Variants in OFD1 observed in about 807,000 individuals in gnomAD.
OFD1 encodes the protein OFD1 centriole and centriolar satellite protein, also known as centriole and centriolar satellite protein OFD1.
Under a neutral mutation model 81.4 loss-of-function variants are expected in OFD1, and 12 were observed. That is an observed-to-expected ratio of 0.15 (90% CI 0.09 to 0.24). OFD1 has a LOEUF of 0.24. Ranked by LOEUF, OFD1 falls within the 10% of genes least tolerant of loss-of-function variation. The probability of loss-of-function intolerance (pLI) is 1.00; values close to 1 mark genes in which losing one functional copy is unlikely to be tolerated. For missense variants in OFD1, 685 were observed against 733.9 expected (o/e 0.93, Z 0.77); for synonymous variants, 256 against 263.7 (o/e 0.97, Z 0.28).
At position 13,761,137 on chromosome X, in the gene OFD1, C is replaced by G. The variant is rs767125310; in HGVS notation, c.2313C>G (p.Pro771=). The change falls in exon 17 of 23, where the codon CCC becomes CCG. Residue 771 remains proline (P), a synonymous_variant. Coordinates refer to ENST00000340096, the MANE Select transcript of OFD1 (RefSeq NM_003611.3). ...CCAGTCCTTGTCCTGACAGAATGCC[C>G]CTACCATCACCCACTGAGTCTAGGC... ...ASPSPCPDRM[P]LPSPTESRHS... 5.0e-6 allele frequency: 6 copies of G among 1,210,096 alleles called. No homozygotes were observed. The Admixed American group carries it at 1.3e-4, about 26-fold the overall frequency.
rs1161161896 is a variant in OFD1 at position 13,746,357 on chromosome X, G to C, written c.556G>C (p.Ala186Pro). ...GCTTATTGATGATCAGTTTGCAGAT[G>C]CTTACCCTCAGCGTATCAAGTTCGA... is the stretch of plus-strand genomic sequence containing the variant. ...LQLIDDQFAD[A>P]YPQRIKFESL... Residue 186 changes from alanine to proline, a missense_variant, in exon 7 of 23, where the codon GCT (alanine) becomes CCT (proline). Transcript: ENST00000340096. 10 of 1,204,751 alleles carry C rather than the reference G, an allele frequency of 8.3e-6. No individual in the cohort carries two copies. Among genetic ancestry groups the C allele is most frequent in the Non-Finnish European group, 1.1e-5 (10 of 890,074 alleles).
chrX:13,742,528 TTTG>T (rs1240496903), intron 5 of OFD1, among the ~76,000 whole-genome samples: 3 of 111,697 alleles, frequency 2.7e-5, no homozygotes, highest in Admixed American at 1.9e-4. Context: ...CACTGTTCTT[TTTG>T]TTTTGTTTTT....
chrX:13,760,056 T>C (rs1602900465), intron 15 of OFD1, 59 bp from the exon 16 acceptor site: 1 of 1,191,207 alleles, frequency 8.4e-7, no homozygotes. Context: ...TATTCTCAAG[T>C]ATATTTTCTT....
At chrX:13,729,968 C>CT (rs760907549), upstream of OFD1, among the ~76,000 whole-genome samples, 1 of 111,759 alleles carries the variant, frequency 8.9e-6, no homozygotes, top group African/African-American at 3.3e-5. Context: ...CATAAAAACT[C>CT]TAGAGGAAAA....
chrX:13,758,440 C>T lies in OFD1; in HGVS notation c.1646C>T (p.Thr549Ile), dbSNP rs1275319013. ...VADLKLQLKQ[T>I]QTALENEVYC... ...GATTTAAAATTGCAACTGAAGCAAACTCAGACAGGTTAGAGACGTTTTAAC... is the reference window on the plus strand; with the variant it reads ...GATTTAAAATTGCAACTGAAGCAAATTCAGACAGGTTAGAGACGTTTTAAC... Residue 549 changes from threonine to isoleucine, a missense_variant, in exon 15 of 23, where the codon ACT (threonine) becomes ATT (isoleucine). Thr to Ile is a moderately conservative substitution (Grantham distance 89). This residue lies in a region of OFD1 where 414 missense variants were observed against 447.2 expected (regional missense o/e 0.93). Coordinates refer to ENST00000340096, the MANE Select transcript of OFD1 (RefSeq NM_003611.3). 1.7e-6 allele frequency: 2 copies of T among 1,148,994 alleles called. No homozygotes were observed. Among genetic ancestry groups the T allele is most frequent in the Non-Finnish European group, 2.4e-6 (2 of 840,665 alleles). 94.7% of individuals were successfully genotyped at this position (1,148,994 alleles called of 1,213,427 possible).
upstream of OFD1, among the ~76,000 whole-genome samples, chrX:13,730,766 A>C (rs2046658137): frequency 9.0e-6 from 1 of 111,149 alleles, no homozygotes; most frequent in Admixed American, 9.6e-5. Context: ...TGTCCTTTGT[A>C]GGGACATGGA....
intron 17 of OFD1, 114 bp from the exon 18 acceptor site, chrX:13,762,228 CAA>C: frequency 3.8e-6 from 2 of 533,118 alleles, no homozygotes; most frequent in Non-Finnish European, 6.8e-6. Flanking sequence ...ATTTACAAGA[CAA>C]AGAGAAAGGG....
chrX:13,735,213 C>A (rs763626683), intron 1 of OFD1, 35 bp from the exon 2 acceptor site: 2 of 1,196,793 alleles, frequency 1.7e-6, no homozygotes, highest in Non-Finnish European at 2.3e-6. Context: ...GTTCCCTCTG[C>A]CCCGCAGGTA....
chrX:13,770,529 TTAGAACTAGGTTTTTTTG>T (rs1569170921), downstream of OFD1, among the ~76,000 whole-genome samples: 1 of 112,621 alleles, frequency 8.9e-6, no homozygotes. Context: ...GAGTCAACTG[TTAGAACTAGGTTTTTTTG>T]TATTCCAGAG....
chrX:13,734,648 C>T (rs760922404), upstream of OFD1: 1 of 896,417 alleles, frequency 1.1e-6, no homozygotes, highest in Non-Finnish European at 1.4e-6. Context: ...TCTCGCGATA[C>T]GTAGGCGGAG....
chrX:13,732,078 A>G (rs1016524888), upstream of OFD1, among the ~76,000 whole-genome samples: 1 of 112,267 alleles, frequency 8.9e-6, no homozygotes, highest in Non-Finnish European at 1.9e-5. Context: ...AGTAAGAGGC[A>G]AAAGTCTGAT....
intron 20 of OFD1, 97 bp from the exon 21 acceptor site, chrX:13,767,957 A>T: frequency 1.2e-6 from 1 of 864,315 alleles, no homozygotes; most frequent in South Asian, 2.2e-5. Flanking sequence ...TACAGGCTGT[A>T]CTTGAAGGAT....
chrX:13,747,888 G>GA (rs1342303690), intron 8 of OFD1, among the ~76,000 whole-genome samples: 2 of 111,505 alleles, frequency 1.8e-5, no homozygotes, highest in Non-Finnish European at 3.8e-5. Context: ...TGAGGAGTGA[G>GA]AGGGAGTCCA....
chrX:13,748,917 G>A (rs746977177), intron 8 of OFD1, among the ~76,000 whole-genome samples: 2 of 110,180 alleles, frequency 1.8e-5, no homozygotes, highest in African/African-American at 3.3e-5. Context: ...CCAGAAGTTC[G>A]ACACCAGCCT....
At chrX:13,721,037 A>AC in the OFD1 span, 1 of 110,159 alleles carries the variant, frequency 9.1e-6, no homozygotes, top group African/African-American at 3.3e-5. Context: ...AAAAAAAAAA[A>AC]AAAAACAGAT....
chrX:13,716,892 TTAA>T, the OFD1 span, among the ~76,000 whole-genome samples: 1 of 110,655 alleles, frequency 9.0e-6, no homozygotes, highest in Non-Finnish European at 1.9e-5. Context: ...AAACAGCCAA[TTAA>T]TAAATGAAAT....
chrX:13,753,365 C>T lies in OFD1; in HGVS notation c.1056-3C>T. ...GCTCATATTTAGTCATTCTGATTCT[C>T]AGGTATCAACTTGAACTGAAGGATG... is the stretch of plus-strand genomic sequence containing the variant. On this transcript the variant is annotated splice_region_variant and splice_polypyrimidine_tract_variant and intron_variant, in intron 10 of 22. Transcript: ENST00000340096. 1 of 1,206,434 alleles carries T rather than the reference C, an allele frequency of 8.3e-7. No individual in the cohort carries two copies. The highest frequency in any genetic ancestry group is 1.1e-6 in the Non-Finnish European group (1 of 891,796).
intron 5 of OFD1, chrX:13,740,088 G>T: frequency 1.0e-6 from 1 of 952,836 alleles, no homozygotes; most frequent in Non-Finnish European, 1.3e-6. Flanking sequence ...TTTTCTGCCA[G>T]CCATTAAGTC....
chrX:13,746,880 C>T lies in OFD1; in HGVS notation c.755C>T (p.Ala252Val). ...LTMFQNDFEK[A>V]CQAKSEALVL... is the part of the protein sequence containing the mutation. ...ATGTTCCAGAATGATTTTGAAAAAG[C>T]TTGTCAAGCAAAATCTGAAGCTCTC... is the stretch of plus-strand genomic sequence containing the variant. Residue 252 changes from alanine (A) to valine (V), a missense_variant, in exon 8 of 23, where the codon GCT (alanine) becomes GTT (valine). Ala to Val is a moderately conservative substitution (Grantham distance 64). This residue lies in a region of OFD1 where 414 missense variants were observed against 447.2 expected (regional missense o/e 0.93). Coordinates refer to ENST00000340096, the MANE Select transcript of OFD1 (RefSeq NM_003611.3). 8 of 1,209,809 alleles carry T rather than the reference C, an allele frequency of 6.6e-6. No individual in the cohort carries two copies. Among genetic ancestry groups the T allele is most frequent in the Non-Finnish European group, 8.9e-6 (8 of 894,101 alleles).
Sources: gnomAD v4.1 joint callset for allele counts (sites outside exome capture counted in the v4.1 genomes callset) on GRCh38, gnomAD v4.1.1 for gene constraint, gnomAD v4.1.1 regional missense constraint, MANE v1.5 for transcripts, NCBI Gene and HGNC (gene_info 2026-07-23, HGNC 2026-07-21) for gene names.